Variants in COMMD1 observed in about 807,000 individuals in gnomAD.
COMMD1 encodes copper metabolism domain containing 1.
COMMD1 carries 10 observed loss-of-function variants against 17.2 expected under a neutral mutation model. The observed-to-expected ratio is 0.58, with a 90% CI of 0.36 to 0.99. COMMD1 has a LOEUF of 0.99. COMMD1 is among the 50% of genes least tolerant of loss of function. The pLI is 0.01. For synonymous variants in COMMD1, 97 were observed against 91.6 expected (o/e 1.06, Z -0.34); for missense variants, 270 against 231.8 (o/e 1.17, Z -1.07).
chr2:61,892,585 T>G (rs1198365409), intron 1 of COMMD1, among the ~76,000 whole-genome samples: 1 of 150,938 alleles, frequency 6.6e-6, no homozygotes, highest in Non-Finnish European at 1.5e-5. Context: ...TCCCAGCTAC[T>G]GGGGAGGCTG....
chr2:61,910,637 G>C (rs1372511142), intron 1 of COMMD1, among the ~76,000 whole-genome samples: 1 of 152,126 alleles, frequency 6.6e-6, no homozygotes, highest in African/African-American at 2.4e-5. Context: ...TGCTATTGCT[G>C]TTAACCTTGT....
At chr2:61,978,248 C>T (rs949620127) in intron 1 of COMMD1, among the ~76,000 whole-genome samples, 2 of 152,136 alleles carry the variant, frequency 1.3e-5, no homozygotes, top group African/African-American at 4.8e-5. Context: ...AAACTAAAAG[C>T]TTAGTGGAAA....
chr2:62,014,648 A>T (rs895396201), intron 2 of COMMD1, among the ~76,000 whole-genome samples: 1 of 125,370 alleles, frequency 8.0e-6, no homozygotes, highest in South Asian at 2.8e-4. Context: ...TGCAACCTCT[A>T]CCTCCTGGGT....
chr2:62,021,451 G>A (rs1170811733), intron 2 of COMMD1, among the ~76,000 whole-genome samples: 1 of 152,142 alleles, frequency 6.6e-6, no homozygotes, highest in African/African-American at 2.4e-5. Context: ...TGAGAAATGT[G>A]TATCTTTAAT....
At position 62,000,987 on chromosome 2, in the gene COMMD1, G is replaced by A; in HGVS notation, c.462+5G>A. 4 of 1,611,186 alleles carry A rather than the reference G, an allele frequency of 2.5e-6. No homozygotes were observed. The highest frequency in any genetic ancestry group is 3.4e-6 in the Non-Finnish European group (4 of 1,179,820). On this transcript the variant is annotated splice_donor_5th_base_variant and intron_variant, in intron 2 of 2. Transcript: ENST00000311832. ...GAATTAGGCAAATATGGACAGGTGA[G>A]TTAAACTTAAGTCAATTTTCCTTTG...
chr2:62,002,633 A>G (rs7570474), intron 2 of COMMD1, among the ~76,000 whole-genome samples: 18,553 of 150,498 alleles, frequency 0.12, 2,734 homozygotes, highest in African/African-American at 0.35. Context: ...TTCAAGACCA[A>G]CCTGGCCAAC....
intron 1 of COMMD1, among the ~76,000 whole-genome samples, chr2:61,942,814 G>A (rs1042771848): frequency 6.6e-6 from 1 of 151,748 alleles, no homozygotes. Context: ...CTGGGATTAC[G>A]GGCAGGAGCC....
intron 1 of COMMD1, among the ~76,000 whole-genome samples, chr2:61,920,989 T>A (rs1362880681): frequency 1.4e-5 from 2 of 144,804 alleles, no homozygotes; most frequent in East Asian, 4.0e-4. Context: ...ATATTTTTTT[T>A]TTTTTTGAGA....
intron 1 of COMMD1, among the ~76,000 whole-genome samples, chr2:61,987,681 A>C (rs1395282815): frequency 1.3e-5 from 2 of 152,142 alleles, no homozygotes; most frequent in Non-Finnish European, 2.9e-5. Flanking sequence ...TGTAACCACT[A>C]CCTGGCTACC....
At chr2:61,985,927 A>G (rs1672094289) in intron 1 of COMMD1, among the ~76,000 whole-genome samples, 1 of 152,106 alleles carries the variant, frequency 6.6e-6, no homozygotes. Context: ...ACAGTATTAG[A>G]ATATTCTGTG....
chr2:62,004,383 C>T (rs912838762), intron 2 of COMMD1, among the ~76,000 whole-genome samples: 2 of 152,174 alleles, frequency 1.3e-5, no homozygotes, highest in African/African-American at 4.8e-5. Flanking sequence ...TCACTGCAGC[C>T]TCCACCCTCC....
At chr2:61,970,376 T>C (rs1671617319) in intron 1 of COMMD1, among the ~76,000 whole-genome samples, 1 of 152,164 alleles carries the variant, frequency 6.6e-6, no homozygotes. Flanking sequence ...CATGGGGAAT[T>C]AGTTCTAGGA....
intron 2 of COMMD1, among the ~76,000 whole-genome samples, chr2:62,047,228 A>T (rs77099044): frequency 0.017 from 2,544 of 152,316 alleles, 47 homozygotes; most frequent in East Asian, 0.089. Context: ...TGCTGGTCCC[A>T]TAAGACTGTA....
chr2:61,905,892 C>T (rs774890592), intron 1 of COMMD1, 34 bp downstream of exon 1: 3 of 1,608,278 alleles, frequency 1.9e-6, no homozygotes, highest in South Asian at 1.1e-5. Flanking sequence ...CGGCTTGGAG[C>T]AGAACCCCTT....
intron 2 of COMMD1, among the ~76,000 whole-genome samples, chr2:62,018,808 T>G (rs1355044851): frequency 6.6e-6 from 1 of 152,180 alleles, no homozygotes; most frequent in Non-Finnish European, 1.5e-5. Context: ...TGAGCCTGGA[T>G]AATTTATTGA....
At chr2:61,954,446 A>C (rs1224187303) in intron 1 of COMMD1, among the ~76,000 whole-genome samples, 1 of 151,868 alleles carries the variant, frequency 6.6e-6, no homozygotes, top group African/African-American at 2.4e-5. Flanking sequence ...GCTGGTTTTC[A>C]TTTTCTTTCC....
chr2:61,945,488 C>T (rs569326995), intron 1 of COMMD1, among the ~76,000 whole-genome samples: 1 of 152,246 alleles, frequency 6.6e-6, no homozygotes, highest in Admixed American at 6.5e-5. Flanking sequence ...CACCAGTAGG[C>T]GATTTGTCAA....
At chr2:61,970,975 A>G (rs964650551) in intron 1 of COMMD1, among the ~76,000 whole-genome samples, 11 of 152,142 alleles carry the variant, frequency 7.2e-5, no homozygotes, top group African/African-American at 2.7e-4. Flanking sequence ...TGGTGCGATC[A>G]CTGCTCACTG....
chr2:62,019,047 T>TCCCTCCCTCCCTCCC (rs1558564707), intron 2 of COMMD1, among the ~76,000 whole-genome samples: 13 of 31,040 alleles, frequency 4.2e-4, no homozygotes, highest in African/African-American at 2.1e-3. Context: ...CCCTCCCTCC[T>TCCCTCCCTCCCTCCC]TCCTTCCTTT....
Sources: gnomAD v4.1 joint callset for allele counts (sites outside exome capture counted in the v4.1 genomes callset) on GRCh38, gnomAD v4.1.1 for gene constraint, MANE v1.5 for transcripts, NCBI Gene and HGNC (gene_info 2026-07-23, HGNC 2026-07-21) for gene names.